SSH2: variants seen among roughly 807,000 people sequenced by gnomAD.
SSH2 encodes the protein protein phosphatase Slingshot homolog 2.
In SSH2, 37 loss-of-function variants were observed where a neutral mutation model predicts 135.2. That is an observed-to-expected ratio of 0.27 (90% CI 0.21 to 0.36). The LOEUF (loss-of-function observed/expected upper bound fraction) is 0.36, where lower values mean the gene tolerates loss of function less well. Among genes scored for constraint, SSH2 ranks in the 10% least tolerant of loss-of-function variants. The pLI is 1.00. For synonymous variants in SSH2, 628 were observed against 646.2 expected, an observed-to-expected ratio of 0.97 and a Z score of 0.43; for missense variants, 1,408 against 1,765.3, an observed-to-expected ratio of 0.80 and a Z score of 3.63.
chr17:29,820,819 A>G (rs1178203364), intron 2 of SSH2, among the ~76,000 whole-genome samples: 3 of 152,234 alleles, frequency 2.0e-5, no homozygotes, highest in Non-Finnish European at 2.9e-5. Context: ...CTAGCTAGAA[A>G]TAAAAATTCC....
At chr17:29,661,895 T>G (rs2037059758) in intron 11 of SSH2, among the ~76,000 whole-genome samples, 1 of 152,150 alleles carries the variant, frequency 6.6e-6, no homozygotes, top group Non-Finnish European at 1.5e-5. Flanking sequence ...ACAAAGGGAC[T>G]TGGGCTACAC....
chr17:29,695,475 T>C lies in SSH2; in HGVS notation c.341A>G (p.Glu114Gly). ...LQAMFILLRP[E>G]DNIRLAVRLE... ...CTAACTTACCAGCCTGATGTTGTCT[T>C]CTGGGCGGAGTAAAATGAACATTGC... is the stretch of plus-strand genomic sequence containing the variant. The change falls in exon 5 of 16, where the codon GAA (glutamate) becomes GGA (glycine). Residue 114 changes from glutamate to glycine, a missense_variant. By Grantham distance (98) the Glu-to-Gly change is moderately conservative. Transcript: ENST00000540801. The C allele has an allele frequency of 6.2e-7, 1 of 1,612,674 alleles. No individual in the cohort carries two copies. Among genetic ancestry groups the C allele is most frequent in the Non-Finnish European group, 8.5e-7 (1 of 1,179,426 alleles).
intron 3 of SSH2, chr17:29,716,302 C>G: frequency 6.9e-6 from 3 of 435,118 alleles, no homozygotes; most frequent in South Asian, 4.5e-5. Context: ...GTACCTTTCT[C>G]TTTGGCTTCT....
chr17:29,738,720 AT>A (rs962542001), intron 3 of SSH2, among the ~76,000 whole-genome samples: 10 of 151,242 alleles, frequency 6.6e-5, no homozygotes, highest in Non-Finnish European at 1.3e-4. Flanking sequence ...TGCCCGGCTA[AT>A]TTTTTTGTAT....
At chr17:29,857,956 G>C (rs541560754) in intron 1 of SSH2, among the ~76,000 whole-genome samples, 1 of 152,280 alleles carries the variant, frequency 6.6e-6, no homozygotes, top group East Asian at 1.9e-4. Flanking sequence ...GACTTGTCTA[G>C]ATAATTCATG....
At chr17:29,863,365 GC>G (rs1230363566) in intron 1 of SSH2, 5 of 152,144 alleles carry the variant, frequency 3.3e-5, no homozygotes, top group African/African-American at 4.8e-5. Flanking sequence ...CCAAGTACCT[GC>G]CTTTTCAGCT....
chr17:29,711,331 C>A (rs2039425268), intron 3 of SSH2, among the ~76,000 whole-genome samples: 1 of 152,136 alleles, frequency 6.6e-6, no homozygotes, highest in African/African-American at 2.4e-5. Context: ...GACGAAACTT[C>A]CTGGTCTTTT....
At chr17:29,651,827 A>AT (rs58725661) in intron 12 of SSH2, among the ~76,000 whole-genome samples, 19 of 149,892 alleles carry the variant, frequency 1.3e-4, no homozygotes, top group South Asian at 4.2e-4. Context: ...ATTACTACAA[A>AT]TTTTTTTTTT....
chr17:29,667,034 T>C (rs2037307283), intron 10 of SSH2, 39 bp from the exon 11 acceptor site: 1 of 1,613,602 alleles, frequency 6.2e-7, no homozygotes, highest in Non-Finnish European at 8.5e-7. Context: ...TCTCTTAAAG[T>C]CCCTCTGTAC....
chr17:29,760,680 G>A (rs1411236551), intron 3 of SSH2, among the ~76,000 whole-genome samples: 1 of 151,942 alleles, frequency 6.6e-6, no homozygotes, highest in Non-Finnish European at 1.5e-5. Context: ...ACCAGCAGGA[G>A]CGAAGAATGG....
At chr17:29,658,524 T>G (rs2036885934) in intron 11 of SSH2, among the ~76,000 whole-genome samples, 1 of 152,118 alleles carries the variant, frequency 6.6e-6, no homozygotes, top group Admixed American at 6.5e-5. Context: ...CCATTTAATA[T>G]TTTGGGCATA....
At chr17:29,733,165 A>C (rs920064241) in intron 3 of SSH2, among the ~76,000 whole-genome samples, 2 of 152,252 alleles carry the variant, frequency 1.3e-5, no homozygotes, top group African/African-American at 4.8e-5. Flanking sequence ...AAATGGGGAC[A>C]GAGCTCACTC....
intron 3 of SSH2, among the ~76,000 whole-genome samples, chr17:29,766,780 CCT>C (rs1266647732): frequency 6.6e-6 from 1 of 152,002 alleles, no homozygotes; most frequent in Admixed American, 6.6e-5. Flanking sequence ...AAGTTAATCC[CCT>C]GAGTATCAAA....
chr17:29,744,339 A>T, intron 3 of SSH2, among the ~76,000 whole-genome samples: 1 of 152,278 alleles, frequency 6.6e-6, no homozygotes, highest in South Asian at 2.1e-4. Flanking sequence ...TGGCAGGGCC[A>T]GGCCGAGGGA....
intron 12 of SSH2, among the ~76,000 whole-genome samples, chr17:29,653,139 C>T (rs2151005269): frequency 6.6e-6 from 1 of 152,196 alleles, no homozygotes; most frequent in South Asian, 2.1e-4. Context: ...CATCTCAGCA[C>T]CAAATGACTC....
At chr17:29,740,974 T>C (rs1340338893) in intron 3 of SSH2, among the ~76,000 whole-genome samples, 1 of 152,204 alleles carries the variant, frequency 6.6e-6, no homozygotes, top group African/African-American at 2.4e-5. Context: ...ACTACCCATA[T>C]GCTCAAAAAC....
At chr17:29,923,310 T>C (rs1458003678) in intron 1 of SSH2, among the ~76,000 whole-genome samples, 1 of 152,174 alleles carries the variant, frequency 6.6e-6, no homozygotes, top group Non-Finnish European at 1.5e-5. Context: ...ATGTTCATTG[T>C]AATGTAATTT....
intron 3 of SSH2, among the ~76,000 whole-genome samples, chr17:29,739,653 G>C (rs992365485): frequency 3.3e-5 from 5 of 152,128 alleles, no homozygotes; most frequent in Non-Finnish European, 5.9e-5. Flanking sequence ...AATATGACTT[G>C]CCTTTCTTTC....
In SSH2 at chr17:29,852,942, G is replaced by A. The variant is rs1423117881; in HGVS notation, c.64-4013C>T. Among the ~76,000 whole-genome samples, 25 of 151,820 alleles carry A rather than the reference G, an allele frequency of 1.6e-4. 1 individual carries two copies. The highest frequency in any genetic ancestry group is 1.6e-3 in the Admixed American group (25 of 15,238). ...TATATGGCTTATTCCAAGATTGCAAGGACGAATTAATATTTAGGACCTCTA... is the reference window on the plus strand; with the variant it reads ...TATATGGCTTATTCCAAGATTGCAAAGACGAATTAATATTTAGGACCTCTA... On this transcript the variant is annotated intron_variant, in intron 1 of 15. Transcript: ENST00000540801.
Sources: gnomAD v4.1 joint callset for allele counts (sites outside exome capture counted in the v4.1 genomes callset) on GRCh38, gnomAD v4.1.1 for gene constraint, MANE v1.5 for transcripts, NCBI Gene and HGNC (gene_info 2026-07-23, HGNC 2026-07-21) for gene names.